Variants in LEPROTL1 observed in about 807,000 individuals in gnomAD.
LEPROTL1 encodes leptin receptor overlapping transcript-like 1.
LEPROTL1 carries 6 observed loss-of-function variants against 15.4 expected under a neutral mutation model. The observed-to-expected ratio is 0.39, with a 90% CI of 0.21 to 0.77. The LOEUF (loss-of-function observed/expected upper bound fraction) is 0.77. Among genes scored for constraint, LEPROTL1 ranks in the 30% least tolerant of loss-of-function variants. The pLI is 0.41. For missense variants in LEPROTL1, 128 were observed against 158.1 expected (o/e 0.81, Z 1.02); for synonymous variants, 56 against 52.6 (o/e 1.06, Z -0.28).
intron 2 of LEPROTL1, among the ~76,000 whole-genome samples, 195 bp downstream of exon 2, chr8:30,102,168 T>C (rs1258342620): frequency 6.6e-6 from 1 of 152,224 alleles, no homozygotes; most frequent in African/African-American, 2.4e-5. Context: ...ATAATATTTT[T>C]GGCTGTTACC....
intron 3 of LEPROTL1, among the ~76,000 whole-genome samples, chr8:30,127,144 A>G (rs1343029222): frequency 1.3e-5 from 2 of 152,220 alleles, no homozygotes; most frequent in Non-Finnish European, 2.9e-5. Flanking sequence ...AATGAAGGCT[A>G]TAGTTTCTTG....
intron 3 of LEPROTL1, among the ~76,000 whole-genome samples, chr8:30,128,679 G>A (rs1398852187): frequency 6.6e-6 from 1 of 151,744 alleles, no homozygotes; most frequent in African/African-American, 2.4e-5. Context: ...TTGAGCCCAG[G>A]AGGCAGAGGT....
At position 30,107,245 on chromosome 8, in the gene LEPROTL1, C is replaced by G. The variant is rs1448145716; in HGVS notation, c.*1383C>G. 1.1e-5 allele frequency: 11 copies of G among 985,252 alleles called. No homozygotes were observed. Among genetic ancestry groups the G allele is most frequent in the Non-Finnish European group, 1.2e-5 (10 of 829,894 alleles). 61.0% of individuals were successfully genotyped at this position (985,252 alleles called of 1,614,324 possible). A position where few individuals can be genotyped will look rare whatever the true frequency, so the allele number is the denominator to read the frequency against. On this transcript the variant is annotated 3_prime_UTR_variant, in exon 4 of 4. Coordinates refer to ENST00000321250, the MANE Select transcript of LEPROTL1 (RefSeq NM_015344.3). The stretch of plus-strand genomic sequence containing the variant: ...TAGCAGCTTCAGAAACATACCTGAC[C>G]AAAAAATTCCCAGTAACCAGGCATG...
intron 4 of LEPROTL1, among the ~76,000 whole-genome samples, chr8:30,135,906 C>T: frequency 1.0e-5 from 1 of 100,108 alleles, no homozygotes; most frequent in East Asian, 2.6e-4. Context: ...AGAGTGAGAC[C>T]TTGTCTGAAA....
intron 3 of LEPROTL1, among the ~76,000 whole-genome samples, chr8:30,118,521 C>T (rs761625305): frequency 5.9e-4 from 90 of 152,202 alleles, no homozygotes; most frequent in Non-Finnish European, 1.1e-3. Flanking sequence ...TTTCTGAGAT[C>T]TCCTGAAGGA....
intron 3 of LEPROTL1, among the ~76,000 whole-genome samples, chr8:30,120,417 G>A (rs562533572): frequency 5.3e-4 from 80 of 152,040 alleles, no homozygotes; most frequent in African/African-American, 1.5e-3. Flanking sequence ...ATATAAAGAG[G>A]GCAAAATGTA....
At chr8:30,117,796 G>A in intron 3 of LEPROTL1, 2 of 727,000 alleles carry the variant, frequency 2.8e-6, no homozygotes, top group Middle Eastern at 7.1e-4. Context: ...GGCGCAGAAA[G>A]ATGGCAGGAG....
intron 3 of LEPROTL1, chr8:30,131,674 A>G (rs560419365): frequency 1.3e-4 from 41 of 310,764 alleles, no homozygotes; most frequent in Middle Eastern, 1.1e-3. Flanking sequence ...GTTTTTATGT[A>G]TCACTTTACT....
At chr8:30,129,946 G>A (rs1269960083) in intron 3 of LEPROTL1, among the ~76,000 whole-genome samples, 2 of 151,950 alleles carry the variant, frequency 1.3e-5, no homozygotes, top group South Asian at 2.1e-4. Flanking sequence ...AAGGCGTTAC[G>A]CACTTTTATA....
rs1384444124 is a variant in LEPROTL1, at chr8:30,106,124, ATATT to A, written c.*266_*269del. ...TTTTGTGGTGTCCTGCTGAATTTAA[ATATT>A]TATGTGTTTTTCCTGTTAGGTTGAT... On this transcript the variant is annotated 3_prime_UTR_variant, in exon 4 of 4. Coordinates refer to ENST00000321250, the MANE Select transcript of LEPROTL1 (RefSeq NM_015344.3). 32 of 1,017,232 alleles carry A rather than the reference ATATT, an allele frequency of 3.1e-5. No homozygotes were observed. In the South Asian group the frequency reaches 3.2e-4, roughly 10 times the overall value. The allele number at this position is 1,017,232 out of a possible 1,614,324, so 63.0% of individuals were successfully genotyped here.
At chr8:30,097,281 C>T (rs1300869961) in intron 1 of LEPROTL1, among the ~76,000 whole-genome samples, 1 of 152,182 alleles carries the variant, frequency 6.6e-6, no homozygotes, top group East Asian at 1.9e-4. Flanking sequence ...TTTGAGAACA[C>T]TTTTAAGCAA....
intron 3 of LEPROTL1, among the ~76,000 whole-genome samples, chr8:30,116,530 G>A (rs1802743073): frequency 6.6e-6 from 1 of 152,162 alleles, no homozygotes; most frequent in Non-Finnish European, 1.5e-5. Flanking sequence ...TAACCTAACA[G>A]GAGGTGGAGC....
chr8:30,118,197 G>A (rs1802773978), intron 3 of LEPROTL1, among the ~76,000 whole-genome samples: 1 of 151,768 alleles, frequency 6.6e-6, no homozygotes, highest in Non-Finnish European at 1.5e-5. Context: ...GCTAATTTTT[G>A]TATTTTTAGT....
chr8:30,098,590 A>G (rs1438831609), intron 1 of LEPROTL1, among the ~76,000 whole-genome samples: 1 of 152,234 alleles, frequency 6.6e-6, no homozygotes, highest in Non-Finnish European at 1.5e-5. Flanking sequence ...CTGTCTTAAC[A>G]GTACCTTTAG....
intron 4 of LEPROTL1, among the ~76,000 whole-genome samples, chr8:30,134,757 AG>A (rs1803103044): frequency 1.3e-5 from 2 of 152,178 alleles, no homozygotes; most frequent in Non-Finnish European, 2.9e-5. Flanking sequence ...CATGTCTGCC[AG>A]GCTGGTCTTG....
At position 30,108,408 on chromosome 8, in the gene LEPROTL1, T is replaced by C. The variant is rs1802605444; in HGVS notation, c.*2546T>C. On this transcript the variant is annotated 3_prime_UTR_variant, in exon 4 of 4. Coordinates refer to ENST00000321250, the MANE Select transcript of LEPROTL1 (RefSeq NM_015344.3). Reference sequence around the variant, plus strand: ...TTTTCAGAACATTTTTATGACTTCTTATTATGTATTTATTACCACTCATTA... The same window carrying C: ...TTTTCAGAACATTTTTATGACTTCTCATTATGTATTTATTACCACTCATTA... 1.3e-5 allele frequency: 2 copies of C among 152,186 alleles called. No homozygotes were observed. Among genetic ancestry groups the C allele is most frequent in the South Asian group, 4.1e-4 (2 of 4,824 alleles). 9.4% of individuals were successfully genotyped at this position (152,186 alleles called of 1,614,324 possible). A position where few individuals can be genotyped will look rare whatever the true frequency, so the allele number is the denominator to read the frequency against.
In LEPROTL1 at chr8:30,108,467, C is replaced by CA. The variant is rs945960770; in HGVS notation, c.*2611dup. ...TGTTACTTTTTGCAAACATTTTAAA[C>CA]AAAAAATATTTCTGTTTGGTACACT... On this transcript the variant is annotated 3_prime_UTR_variant, in exon 4 of 4. Transcript: ENST00000321250. 2 of 152,026 alleles carry CA rather than the reference C, an allele frequency of 1.3e-5. No individual in the cohort carries two copies. Among genetic ancestry groups the CA allele is most frequent in the Admixed American group, 1.3e-4 (2 of 15,256 alleles). The allele number at this position is 152,026 out of a possible 1,614,324, so 9.4% of individuals were successfully genotyped here.
downstream of LEPROTL1, chr8:30,138,346 G>C (rs1369799367): frequency 8.9e-6 from 5 of 562,644 alleles, no homozygotes; most frequent in East Asian, 1.2e-4. Flanking sequence ...ACACAGTATT[G>C]TTAGCCCCAT....
intron 3 of LEPROTL1, among the ~76,000 whole-genome samples, chr8:30,126,983 T>G (rs879742513): frequency 6.6e-6 from 1 of 151,558 alleles, no homozygotes; most frequent in Non-Finnish European, 1.5e-5. Flanking sequence ...GAGGTTGCAG[T>G]GAGCCAACAT....
Sources: gnomAD v4.1 joint callset for allele counts (sites outside exome capture counted in the v4.1 genomes callset) on GRCh38, gnomAD v4.1.1 for gene constraint, MANE v1.5 for transcripts, NCBI Gene and HGNC (gene_info 2026-07-23, HGNC 2026-07-21) for gene names.